Variants in KCNC2 observed in about 807,000 individuals in gnomAD.
KCNC2 encodes potassium voltage-gated channel subfamily C member 2, also known as voltage-gated potassium channel KCNC2.
A neutral mutation model predicts 44.5 loss-of-function variants in KCNC2; 21 were observed. The observed-to-expected ratio is 0.47, with a 90% CI of 0.33 to 0.68. KCNC2 has a LOEUF of 0.68. Ranked by LOEUF, KCNC2 falls within the 30% of genes least tolerant of loss-of-function variation. The pLI, the probability that KCNC2 is intolerant of heterozygous loss-of-function variation, is 0.01. For missense variants in KCNC2, 589 were observed against 826.2 expected (o/e 0.71, Z 3.52); for synonymous variants, 391 against 339.1 (o/e 1.15, Z -1.68).
chr12:75,182,520 C>CAAAAAAAAAAAAAAAAA (rs71438888), intron 2 of KCNC2, among the ~76,000 whole-genome samples: 2 of 81,432 alleles, frequency 2.5e-5, no homozygotes, highest in South Asian at 4.6e-4. Flanking sequence ...GATTCCGTCT[C>CAAAAAAAAAAAAAAAAA]AAAAAAAAAA....
intron 2 of KCNC2, among the ~76,000 whole-genome samples, chr12:75,082,151 AAGTG>A (rs1884570826): frequency 3.3e-5 from 5 of 151,196 alleles, no homozygotes; most frequent in African/African-American, 1.2e-4. Flanking sequence ...CAACTTTTAG[AAGTG>A]CTAGTGCTAT....
intron 2 of KCNC2, among the ~76,000 whole-genome samples, chr12:75,112,196 A>G (rs1452391720): frequency 6.6e-6 from 1 of 151,992 alleles, no homozygotes; most frequent in Admixed American, 6.6e-5. Context: ...ACATTTTAAG[A>G]AGAGTTACAG....
chr12:75,198,881 A>G (rs541220572), intron 2 of KCNC2, among the ~76,000 whole-genome samples: 1 of 151,936 alleles, frequency 6.6e-6, no homozygotes, highest in African/African-American at 2.4e-5. Context: ...ATATTGGTCC[A>G]AATAGTTTTT....
At chr12:75,172,704 G>C (rs1193380796) in intron 2 of KCNC2, among the ~76,000 whole-genome samples, 6 of 151,810 alleles carry the variant, frequency 4.0e-5, no homozygotes, top group Non-Finnish European at 8.8e-5. Context: ...CTTAGAAAGA[G>C]CTAGCCTTTT....
chr12:75,042,439 A>C lies in KCNC2; in HGVS notation c.*666T>G. 1 of 1,574,686 alleles carries C rather than the reference A, an allele frequency of 6.4e-7. No individual in the cohort carries two copies. ...AGCATTTTTGAAGAAAAGTAAATCA[A>C]TCAAGAAATTAAACTATTTAAAACA... is the stretch of plus-strand genomic sequence containing the variant. On this transcript the variant is annotated 3_prime_UTR_variant, in exon 5 of 5. Coordinates refer to ENST00000549446, the MANE Select transcript of KCNC2 (RefSeq NM_139137.4).
At chr12:75,135,807 T>C (rs1889185948) in intron 2 of KCNC2, among the ~76,000 whole-genome samples, 1 of 152,042 alleles carries the variant, frequency 6.6e-6, no homozygotes, top group South Asian at 2.1e-4. Flanking sequence ...AGTTTCATTA[T>C]AAGTCAATAT....
intron 2 of KCNC2, among the ~76,000 whole-genome samples, chr12:75,102,027 G>A (rs1715904002): frequency 6.6e-6 from 1 of 151,662 alleles, no homozygotes; most frequent in South Asian, 2.1e-4. Flanking sequence ...ACGGCCCAAG[G>A]GATATGTCAA....
intron 2 of KCNC2, among the ~76,000 whole-genome samples, chr12:75,176,736 T>C (rs1211525044): frequency 3.3e-5 from 5 of 152,036 alleles, no homozygotes; most frequent in Non-Finnish European, 5.9e-5. Flanking sequence ...TTGTAATTTA[T>C]GTAATCTCTT....
chr12:75,164,009 G>T (rs1378359714), intron 2 of KCNC2, among the ~76,000 whole-genome samples: 1 of 151,548 alleles, frequency 6.6e-6, no homozygotes, highest in Admixed American at 6.6e-5. Flanking sequence ...CAATATGAAA[G>T]AAAAGAACCA....
intron 2 of KCNC2, among the ~76,000 whole-genome samples, chr12:75,199,181 C>T (rs1012424182): frequency 1.3e-5 from 2 of 151,798 alleles, no homozygotes; most frequent in African/African-American, 4.8e-5. Context: ...TCAAGAAAGA[C>T]TATCTTGGCC....
chr12:75,102,876 A>C (rs1415111853), intron 2 of KCNC2, among the ~76,000 whole-genome samples: 1 of 152,066 alleles, frequency 6.6e-6, no homozygotes, highest in Non-Finnish European at 1.5e-5. Flanking sequence ...CAATCTTACA[A>C]TAAGATAATT....
At chr12:75,135,781 A>T (rs898333750) in intron 2 of KCNC2, among the ~76,000 whole-genome samples, 1 of 152,030 alleles carries the variant, frequency 6.6e-6, no homozygotes, top group African/African-American at 2.4e-5. Context: ...CCTAACTTAG[A>T]TATTTATAAT....
At chr12:75,157,479 A>C (rs1890842536) in intron 2 of KCNC2, among the ~76,000 whole-genome samples, 1 of 151,892 alleles carries the variant, frequency 6.6e-6, no homozygotes, top group Non-Finnish European at 1.5e-5. Context: ...CTTGTAACAA[A>C]ATTCAATCTC....
At chr12:75,081,372 CTT>C (rs1005780046) in intron 2 of KCNC2, among the ~76,000 whole-genome samples, 1 of 126,260 alleles carries the variant, frequency 7.9e-6, no homozygotes, top group African/African-American at 2.9e-5. Context: ...CACTGCCATT[CTT>C]TTTTTTTTCT....
At chr12:75,149,360 A>G (rs1890235979) in intron 2 of KCNC2, among the ~76,000 whole-genome samples, 1 of 151,808 alleles carries the variant, frequency 6.6e-6, no homozygotes, top group Non-Finnish European at 1.5e-5. Flanking sequence ...TAGCCATCTC[A>G]TTATTTTTTA....
intron 2 of KCNC2, among the ~76,000 whole-genome samples, chr12:75,151,915 ATATATATAATATATTATATATTATACATT>A (rs1404696660): frequency 6.3e-5 from 9 of 142,462 alleles, no homozygotes; most frequent in South Asian, 4.6e-4. Context: ...AGTCTAATAT[ATATATATAATATATTATATATTATACATT>A]TATATATAAT....
At chr12:75,139,399 C>T (rs1049491915) in intron 2 of KCNC2, among the ~76,000 whole-genome samples, 7 of 152,168 alleles carry the variant, frequency 4.6e-5, no homozygotes, top group African/African-American at 1.7e-4. Context: ...AAACTGTGAG[C>T]GATGCTCTGC....
chr12:75,156,239 C>T (rs989593989), intron 2 of KCNC2, among the ~76,000 whole-genome samples: 25 of 148,620 alleles, frequency 1.7e-4, no homozygotes, highest in Middle Eastern at 3.6e-3. Context: ...CCAAATCTGA[C>T]TCTCGAAACA....
chr12:75,072,986 A>G (rs761017446), intron 2 of KCNC2, among the ~76,000 whole-genome samples: 5 of 151,890 alleles, frequency 3.3e-5, no homozygotes, highest in Non-Finnish European at 7.4e-5. Flanking sequence ...TATTATGGAA[A>G]TGTCTATTTA....
Sources: allele counts gnomAD v4.1 joint callset (sites outside exome capture counted in the v4.1 genomes callset), GRCh38; gene constraint gnomAD v4.1.1; transcripts MANE v1.5; gene names NCBI Gene and HGNC (gene_info 2026-07-23, HGNC 2026-07-21).